RGS5: variants seen among roughly 807,000 people sequenced by gnomAD.
RGS5 encodes the protein regulator of G protein signaling 5, also known as regulator of G-protein signalling 5.
Under a neutral mutation model 18.9 loss-of-function variants are expected in RGS5, and 20 were observed. That is an observed-to-expected ratio of 1.06 (90% CI 0.74 to 1.54). The LOEUF (loss-of-function observed/expected upper bound fraction) is 1.54. RGS5 is among the 40% of genes most tolerant of loss of function. RGS5 has a pLI of 0.00. For synonymous variants in RGS5, 57 were observed against 76.2 expected, an observed-to-expected ratio of 0.75 and a Z score of 1.31; for missense variants, 201 against 211.8, an observed-to-expected ratio of 0.95 and a Z score of 0.32.
At chr1:163,180,323 C>G (rs1381242084) in intron 1 of RGS5, among the ~76,000 whole-genome samples, 1 of 152,090 alleles carries the variant, frequency 6.6e-6, no homozygotes, top group East Asian at 1.9e-4. Context: ...CCTATATTTA[C>G]CACCCTTCTC....
intron 4 of RGS5, among the ~76,000 whole-genome samples, chr1:163,147,749 A>C (rs146643201): frequency 1.3e-5 from 2 of 151,914 alleles, no homozygotes; most frequent in Admixed American, 6.6e-5. Context: ...CACACACATT[A>C]CTTATTTAAT....
chr1:163,302,061 TCA>T (rs1649567927), intron 2 of RGS5, among the ~76,000 whole-genome samples: 2 of 151,868 alleles, frequency 1.3e-5, no homozygotes, highest in Non-Finnish European at 2.9e-5. Context: ...AAAGTTTTTT[TCA>T]TATAAAGAAA....
chr1:163,255,142 G>C (rs1371833713), intron 2 of RGS5, among the ~76,000 whole-genome samples: 51 of 150,510 alleles, frequency 3.4e-4, no homozygotes, highest in South Asian at 1.1e-3. Flanking sequence ...CTCTTTTTTG[G>C]TTCCATATGA....
chr1:163,219,409 AT>A (rs1660288483), upstream of RGS5, among the ~76,000 whole-genome samples: 1 of 152,170 alleles, frequency 6.6e-6, no homozygotes. Flanking sequence ...ATACTTTTGC[AT>A]CTTGTAGTTC....
chr1:163,161,300 G>C (rs545112361), intron 3 of RGS5, among the ~76,000 whole-genome samples: 10 of 152,308 alleles, frequency 6.6e-5, no homozygotes, highest in African/African-American at 2.4e-4. Context: ...GAATCAGTAA[G>C]GATTTTGGAT....
chr1:163,297,505 C>A (rs897195766), intron 2 of RGS5, among the ~76,000 whole-genome samples: 2 of 151,416 alleles, frequency 1.3e-5, no homozygotes, highest in African/African-American at 4.9e-5. Flanking sequence ...TTCCCCATTA[C>A]CTTTGTTTAA....
At position 163,233,022 on chromosome 1, in the gene RGS5, T is replaced by C. The variant is rs535012569; in HGVS notation, c.-280-64654A>G. ...TATTCAAGATCCAATCCAAGATCAA[T>C]TTCATTATTGTCATGACTCTAATTC... On this transcript the variant is annotated intron_variant, in intron 2 of 5. Transcript: ENST00000618415. Among the ~76,000 whole-genome samples the C allele has an allele frequency of 4.9e-4, 74 of 152,340 alleles. 1 individual carries two copies. The highest frequency in any genetic ancestry group is 9.3e-4 in the Non-Finnish European group (63 of 68,032).
intron 2 of RGS5, among the ~76,000 whole-genome samples, chr1:163,235,342 C>T (rs886994490): frequency 6.6e-6 from 1 of 152,164 alleles, no homozygotes; most frequent in South Asian, 2.1e-4. Context: ...TCCTCCAATA[C>T]GTACAATATA....
intron 2 of RGS5, among the ~76,000 whole-genome samples, chr1:163,276,585 GTT>G (rs1170314218): frequency 2.0e-5 from 3 of 152,082 alleles, no homozygotes; most frequent in African/African-American, 7.2e-5. Flanking sequence ...TTGTTTGTTG[GTT>G]TTTATATTAC....
chr1:163,274,897 G>A (rs1335108376), intron 2 of RGS5, among the ~76,000 whole-genome samples: 22 of 152,228 alleles, frequency 1.4e-4, no homozygotes, highest in Non-Finnish European at 1.3e-4. Context: ...TGGAAGGATC[G>A]CTTGAGCCAA....
chr1:163,226,233 G>T (rs1036587390), intron 2 of RGS5, among the ~76,000 whole-genome samples: 2 of 151,988 alleles, frequency 1.3e-5, no homozygotes, highest in Non-Finnish European at 2.9e-5. Context: ...GGTCAAAATC[G>T]CAAGTAATTT....
intron 2 of RGS5, among the ~76,000 whole-genome samples, chr1:163,299,120 T>C (rs186447286): frequency 5.3e-5 from 8 of 152,296 alleles, no homozygotes; most frequent in Admixed American, 2.0e-4. Context: ...CTGAATAGTA[T>C]AGACATGTGA....
chr1:163,301,212 C>T (rs777159149), intron 2 of RGS5, among the ~76,000 whole-genome samples: 1 of 152,084 alleles, frequency 6.6e-6, no homozygotes, highest in African/African-American at 2.4e-5. Context: ...TAGGTGCTAT[C>T]TCAGAGAACA....
Position 163,301,652 on chromosome 1 carries a change from GA to G in RGS5, c.-281+4580del, listed in dbSNP as rs910248956. 2.3e-3 allele frequency among the ~76,000 whole-genome samples: 347 copies of G among 151,908 alleles called. 3 individuals carry two copies. Among genetic ancestry groups the G allele is most frequent in the African/African-American group, 8.1e-3 (337 of 41,430 alleles). The stretch of plus-strand genomic sequence containing the variant: ...CAGGCCCAGAATGAGTCTTTATAAA[GA>G]AAAAAAATGAGCCTATTACTGCTCA... On this transcript the variant is annotated intron_variant, in intron 2 of 5. Transcript: ENST00000618415.
intron 2 of RGS5, among the ~76,000 whole-genome samples, chr1:163,259,636 T>C (rs3413): frequency 0.29 from 43,510 of 152,068 alleles, 6,394 homozygotes; most frequent in Non-Finnish European, 0.32. Context: ...TCCTAAAAGC[T>C]GGAAGGAGTT....
At chr1:163,183,172 T>C (rs938221749) in intron 1 of RGS5, among the ~76,000 whole-genome samples, 3 of 152,158 alleles carry the variant, frequency 2.0e-5, no homozygotes, top group African/African-American at 7.2e-5. Flanking sequence ...GAAAATAACA[T>C]AACAATGAGG....
chr1:163,281,724 T>C (rs146217937), intron 2 of RGS5, among the ~76,000 whole-genome samples: 117 of 152,238 alleles, frequency 7.7e-4, no homozygotes, highest in East Asian at 5.4e-3. Context: ...AACAGATACA[T>C]TGACTAATCG....
At chr1:163,268,253 TACTC>T (rs200573937) in intron 2 of RGS5, among the ~76,000 whole-genome samples, 2,630 of 152,206 alleles carry the variant, frequency 0.017, 80 homozygotes, top group African/African-American at 0.06. Flanking sequence ...CTGTAGCAAT[TACTC>T]ACTGGCATAA....
intron 2 of RGS5, chr1:163,238,615 T>C: frequency 4.5e-6 from 1 of 219,930 alleles, no homozygotes; most frequent in Admixed American, 4.7e-5. Context: ...CTGCAGAAAA[T>C]GCAAAACGCT....
Sources: allele counts gnomAD v4.1 joint callset (sites outside exome capture counted in the v4.1 genomes callset), GRCh38; gene constraint gnomAD v4.1.1; transcripts MANE v1.5; gene names NCBI Gene and HGNC (gene_info 2026-07-23, HGNC 2026-07-21).